RBFOX2: variants seen among roughly 807,000 people sequenced by gnomAD.
RBFOX2 encodes RNA binding fox-1 homolog 2, also known as RNA binding protein fox-1 homolog 2.
RBFOX2 carries 10 observed loss-of-function variants against 49.1 expected under a neutral mutation model. The observed-to-expected ratio is 0.20, with a 90% confidence interval of 0.13 to 0.35. RBFOX2 has a LOEUF of 0.35. RBFOX2 is among the 10% of genes least tolerant of loss of function. The pLI, the probability that RBFOX2 is intolerant of heterozygous loss-of-function variation, is 1.00. For missense variants in RBFOX2, 323 were observed against 486.9 expected (o/e 0.66, Z 3.17); for synonymous variants, 183 against 187.4 (o/e 0.98, Z 0.19).
chr22:35,766,981 G>T (rs1941178167), intron 5 of RBFOX2, among the ~76,000 whole-genome samples: 1 of 152,144 alleles, frequency 6.6e-6, no homozygotes, highest in South Asian at 2.1e-4. Context: ...GGTGTAACGG[G>T]CAAAGAAAGA....
chr22:35,969,110 G>A (rs1288741609), intron 1 of RBFOX2, among the ~76,000 whole-genome samples: 1 of 152,096 alleles, frequency 6.6e-6, no homozygotes, highest in Non-Finnish European at 1.5e-5. Context: ...GGGGTCTCAA[G>A]AGCCCCTCAT....
At chr22:35,746,790 G>C (rs1932898237) in intron 9 of RBFOX2, 2 of 381,498 alleles carry the variant, frequency 5.2e-6, no homozygotes, top group Non-Finnish European at 9.3e-6. Context: ...TCCAATTTGT[G>C]ATAGTATTAA....
At chr22:35,946,421 C>A (rs977894960) in intron 1 of RBFOX2, among the ~76,000 whole-genome samples, 4 of 152,120 alleles carry the variant, frequency 2.6e-5, no homozygotes, top group African/African-American at 9.7e-5. Flanking sequence ...TAGTCAAAAT[C>A]CTTAATATCT....
chr22:35,818,378 A>G (rs1302448129), intron 1 of RBFOX2, among the ~76,000 whole-genome samples: 3 of 152,234 alleles, frequency 2.0e-5, no homozygotes, highest in Non-Finnish European at 4.4e-5. Flanking sequence ...TACACAATCC[A>G]TGGAAAATTA....
chr22:36,014,873 A>G (rs1319423510), intron 1 of RBFOX2, among the ~76,000 whole-genome samples: 1 of 152,240 alleles, frequency 6.6e-6, no homozygotes, highest in African/African-American at 2.4e-5. Flanking sequence ...CATGCACTTA[A>G]CACACTTTAA....
At chr22:35,960,951 T>C (rs531365561) in intron 1 of RBFOX2, among the ~76,000 whole-genome samples, 41 of 152,180 alleles carry the variant, frequency 2.7e-4, no homozygotes, top group Non-Finnish European at 5.3e-4. Flanking sequence ...CAGGTTCTGT[T>C]ATATTTGTTT....
exon 12 of RBFOX2, chr22:35,740,270 G>A: frequency 1.3e-5 from 2 of 152,484 alleles, no homozygotes; most frequent in African/African-American, 4.8e-5. Flanking sequence ...AAGCAAGTAT[G>A]AAGGAAGTAC....
At chr22:35,801,717 C>A (rs934324514) in intron 2 of RBFOX2, among the ~76,000 whole-genome samples, 1 of 152,058 alleles carries the variant, frequency 6.6e-6, no homozygotes, top group African/African-American at 2.4e-5. Flanking sequence ...CCTAGCTACT[C>A]GGGAGGCTAA....
At chr22:35,838,771 A>G (rs1958170308) in intron 1 of RBFOX2, among the ~76,000 whole-genome samples, 1 of 152,234 alleles carries the variant, frequency 6.6e-6, no homozygotes, top group Admixed American at 6.5e-5. Flanking sequence ...AACATTTCAA[A>G]AGCTTCTCCG....
intron 8 of RBFOX2, among the ~76,000 whole-genome samples, chr22:35,760,357 C>T (rs990677166): frequency 6.6e-6 from 1 of 152,168 alleles, no homozygotes; most frequent in Non-Finnish European, 1.5e-5. Flanking sequence ...TAATAAGAGA[C>T]AGACTTTTAA....
chr22:35,915,070 T>C lies in RBFOX2; in HGVS notation c.-34+23777A>G, dbSNP rs571103911. On this transcript the variant is annotated intron_variant, in intron 1 of 13. Transcript: ENST00000359369. ...CCATTACAGAGAGAAACCAGCCTGC[T>C]TGCTTCCACCCTACCATTTTACTCG... is the stretch of plus-strand genomic sequence containing the variant. Among the ~76,000 whole-genome samples, 22 of 152,326 alleles carry C rather than the reference T, an allele frequency of 1.4e-4. No homozygotes were observed. The East Asian group carries it at 4.1e-3, about 28-fold the overall frequency.
intron 1 of RBFOX2, among the ~76,000 whole-genome samples, chr22:36,006,148 T>C (rs2058609473): frequency 6.6e-6 from 1 of 152,252 alleles, no homozygotes; most frequent in African/African-American, 2.4e-5. Context: ...TGGTATACTG[T>C]AGAAATTAAG....
chr22:35,964,328 G>A (rs149609950), upstream of RBFOX2, among the ~76,000 whole-genome samples: 5 of 152,280 alleles, frequency 3.3e-5, no homozygotes, highest in East Asian at 9.6e-4. Context: ...TACTTTTTAT[G>A]TATTACTAAC....
intron 1 of RBFOX2, among the ~76,000 whole-genome samples, chr22:35,920,421 T>C (rs2050898590): frequency 6.6e-6 from 1 of 152,222 alleles, no homozygotes; most frequent in South Asian, 2.1e-4. Context: ...TTCTAACCCA[T>C]CTAACTCACA....
chr22:35,882,651 T>G (rs145333550), intron 1 of RBFOX2, among the ~76,000 whole-genome samples: 25 of 152,244 alleles, frequency 1.6e-4, no homozygotes, highest in Non-Finnish European at 3.5e-4. Context: ...CTAGCAGAGA[T>G]AGGACCTAGT....
chr22:35,827,820 C>CA (rs1362502492), intron 1 of RBFOX2, among the ~76,000 whole-genome samples: 3 of 152,154 alleles, frequency 2.0e-5, no homozygotes, highest in African/African-American at 4.8e-5. Context: ...GCTTAATTTT[C>CA]ATTTAAAAGT....
chr22:35,875,169 A>C (rs2149231718), intron 1 of RBFOX2, among the ~76,000 whole-genome samples: 1 of 152,290 alleles, frequency 6.6e-6, no homozygotes, highest in East Asian at 1.9e-4. Flanking sequence ...AGCCACTCAG[A>C]CTGTGGTAAT....
Position 36,018,301 on chromosome 22 carries a change from T to C in RBFOX2, c.186+9939A>G, listed in dbSNP as rs977785579. ...AGGAGTGTGGGAGACATGGGAATAG[T>C]CACAAAAGGCATCCAGGAGGAATCA... On this transcript the variant is annotated intron_variant, in intron 1 of 13. Transcript: ENST00000438146. Among the ~76,000 whole-genome samples, 2 of 152,164 alleles carry C rather than the reference T, an allele frequency of 1.3e-5. 1 individual carries two copies. Among genetic ancestry groups the C allele is most frequent in the Non-Finnish European group, 2.9e-5 (2 of 68,042 alleles).
At chr22:35,838,788 CA>C (rs1474703450) in intron 1 of RBFOX2, among the ~76,000 whole-genome samples, 14 of 152,180 alleles carry the variant, frequency 9.2e-5, no homozygotes, top group African/African-American at 3.1e-4. Flanking sequence ...TCCGCTTTTC[CA>C]AAAGAGGAAG....
Sources: allele counts gnomAD v4.1 joint callset (sites outside exome capture counted in the v4.1 genomes callset), GRCh38; gene constraint gnomAD v4.1.1; transcripts MANE v1.5; gene names NCBI Gene and HGNC (gene_info 2026-07-23, HGNC 2026-07-21).